WDR27: variants seen among roughly 807,000 people sequenced by gnomAD.
WDR27 encodes WD repeat-containing protein 27.
WDR27 carries 100 observed loss-of-function variants against 114.4 expected under a neutral mutation model. That is an observed-to-expected ratio of 0.87 (90% CI 0.74 to 1.03). The LOEUF (loss-of-function observed/expected upper bound fraction) is 1.03. Among genes scored for constraint, WDR27 ranks in the 50% least tolerant of loss-of-function variants. WDR27 has a pLI of 0.00. For synonymous variants in WDR27, 449 were observed against 423.1 expected (o/e 1.06, Z -0.75); for missense variants, 1,129 against 1,092.9 (o/e 1.03, Z -0.47).
At chr6:169,644,128 T>A (rs9371158) in intron 16 of WDR27, among the ~76,000 whole-genome samples, 2,185 of 31,314 alleles carry the variant, frequency 0.07, no homozygotes, top group Middle Eastern at 0.17. Flanking sequence ...GTCACACTGT[T>A]GAAAAGCCTA....
intron 25 of WDR27, among the ~76,000 whole-genome samples, chr6:169,493,671 C>T (rs1022987458): frequency 2.6e-5 from 4 of 151,992 alleles, no homozygotes; most frequent in African/African-American, 9.7e-5. Flanking sequence ...AAAGGTATTA[C>T]ATATTTGGCG....
chr6:169,692,157 C>G (rs1282255563), intron 1 of WDR27, among the ~76,000 whole-genome samples: 1 of 152,184 alleles, frequency 6.6e-6, no homozygotes, highest in Non-Finnish European at 1.5e-5. Context: ...ATTTAGGCAG[C>G]CAAGCGAAAT....
Position 169,636,399 on chromosome 6 carries a change from T to C in WDR27, c.1975A>G (p.Ile659Val). The change falls in exon 19 of 26, where the codon ATT becomes GTT. Residue 659 changes from isoleucine (I) to valine (V), a missense_variant. By Grantham distance (29) the Ile-to-Val change is conservative. Transcript: ENST00000448612. ...TTAATCTCATCTTTGCAAGTGTCAA[T>C]GTGATACCTCAGTAGCTGAAATTCA... is the stretch of plus-strand genomic sequence containing the variant. The part of the protein sequence containing the change: ...GPEFQLLRYH[I>V]DTCKDEIKRY... The C allele has an allele frequency of 1.2e-6, 2 of 1,613,918 alleles. No homozygotes were observed. Among genetic ancestry groups the C allele is most frequent in the Non-Finnish European group, 1.7e-6 (2 of 1,179,870 alleles).
chr6:169,665,926 G>A (rs1041058139), intron 6 of WDR27, among the ~76,000 whole-genome samples: 4 of 152,300 alleles, frequency 2.6e-5, no homozygotes, highest in Middle Eastern at 3.4e-3. Context: ...CCGTTTAATC[G>A]ACGTTGCACT....
rs1423565553 is a variant in WDR27 at position 169,457,793 on chromosome 6, A to T, written c.2646-159T>A. Among the ~76,000 whole-genome samples, 4 of 152,138 alleles carry T rather than the reference A, an allele frequency of 2.6e-5. No individual in the cohort carries two copies. In the East Asian group the frequency reaches 7.7e-4, roughly 29 times the overall value. ...ATAGTAGAATCTATATATACAACAG[A>T]TATTATGCTGATGATTAATTAATTC... is the stretch of plus-strand genomic sequence containing the variant. On this transcript the variant is annotated intron_variant, in intron 25 of 25. Coordinates refer to ENST00000448612, the MANE Select transcript of WDR27 (RefSeq NM_182552.5).
At chr6:169,663,024 C>A (rs956295256) in intron 8 of WDR27, among the ~76,000 whole-genome samples, 1 of 151,220 alleles carries the variant, frequency 6.6e-6, no homozygotes. Context: ...TCGAGGAAAG[C>A]ACAAAGGTAA....
At chr6:169,473,922 T>C (rs1460531755) in intron 25 of WDR27, among the ~76,000 whole-genome samples, 1 of 152,268 alleles carries the variant, frequency 6.6e-6, no homozygotes, top group Non-Finnish European at 1.5e-5. Context: ...TCTGCTTCTC[T>C]GTTTCAGTTT....
chr6:169,480,123 C>T (rs906080798), intron 25 of WDR27, among the ~76,000 whole-genome samples: 9 of 152,220 alleles, frequency 5.9e-5, no homozygotes, highest in African/African-American at 2.2e-4. Flanking sequence ...GCGGGTCCCA[C>T]ACTTGGAGCA....
chr6:169,457,665 C>A, intron 25 of WDR27, 31 bp from the exon 26 acceptor site: 1 of 1,522,152 alleles, frequency 6.6e-7, no homozygotes, highest in South Asian at 1.2e-5. Context: ...CCATGTAATT[C>A]CAATCGCCTT....
chr6:169,594,652 A>G lies in WDR27; in HGVS notation c.2424+7567T>C, dbSNP rs78813614. Among the ~76,000 whole-genome samples the G allele has an allele frequency of 3.4e-3, 519 of 152,344 alleles. 6 individuals carry two copies. The highest frequency in any genetic ancestry group is 0.033 in the East Asian group (172 of 5,186). ...ATTGTGAATTTTAGTCTTTGGCATTATAAGTATCTTTGCCTCATAATTTTT... is the reference window on the plus strand; with the variant it reads ...ATTGTGAATTTTAGTCTTTGGCATTGTAAGTATCTTTGCCTCATAATTTTT... On this transcript the variant is annotated intron_variant, in intron 23 of 25. Coordinates refer to ENST00000448612, the MANE Select transcript of WDR27 (RefSeq NM_182552.5).
chr6:169,605,574 T>C (rs2128175111), intron 22 of WDR27, among the ~76,000 whole-genome samples: 1 of 138,554 alleles, frequency 7.2e-6, no homozygotes, highest in Admixed American at 7.8e-5. Context: ...CCTTTCAAAA[T>C]ACCAATGTCA....
At chr6:169,619,460 CTCAGGAGGTCCTCAGA>C (rs1812626572) in intron 21 of WDR27, among the ~76,000 whole-genome samples, 1 of 152,162 alleles carries the variant, frequency 6.6e-6, no homozygotes, top group African/African-American at 2.4e-5. Context: ...TGACACAGCC[CTCAGGAGGTCCTCAGA>C]ACATGTGCCC....
intron 13 of WDR27, among the ~76,000 whole-genome samples, chr6:169,652,406 G>A (rs1390882281): frequency 1.1e-4 from 17 of 152,154 alleles, no homozygotes; most frequent in Admixed American, 9.8e-4. Flanking sequence ...ACGCCACCAC[G>A]CCTGGCTAAT....
rs1819718607 is a variant in WDR27 at position 169,643,553 on chromosome 6, T to C, written c.1747+144A>G. 2.1e-5 allele frequency: 13 copies of C among 616,108 alleles called. 1 individual carries two copies. The South Asian group carries it at 2.8e-4, about 13-fold the overall frequency. The allele number at this position is 616,108 out of a possible 1,614,324, so 38.2% of individuals were successfully genotyped here. ...CTGTTTGGTTGAAGATCTCAGTAAA[T>C]CTAGTTTAGACTCCAATTCAAGCCA... On this transcript the variant is annotated intron_variant, in intron 17 of 25. Transcript: ENST00000448612.
intron 23 of WDR27, among the ~76,000 whole-genome samples, chr6:169,596,941 T>C (rs1806910736): frequency 6.6e-6 from 1 of 152,204 alleles, no homozygotes; most frequent in Non-Finnish European, 1.5e-5. Flanking sequence ...CTTAGAGTTA[T>C]ATCATTTTTG....
At chr6:169,638,501 G>T in intron 18 of WDR27, 38 bp downstream of exon 18, 1 of 1,605,038 alleles carries the variant, frequency 6.2e-7, no homozygotes, top group South Asian at 1.1e-5. Flanking sequence ...CAGCTCCTTT[G>T]GAAATGACTG....
downstream of WDR27, among the ~76,000 whole-genome samples, chr6:169,454,123 T>C (rs1784258219): frequency 3.3e-5 from 5 of 152,332 alleles, no homozygotes; most frequent in South Asian, 8.3e-4. Context: ...ACTAAATAAA[T>C]TTTTGTCAGA....
intron 1 of WDR27, among the ~76,000 whole-genome samples, chr6:169,693,162 G>A (rs1784937563): frequency 2.6e-5 from 4 of 152,156 alleles, no homozygotes; most frequent in Non-Finnish European, 5.9e-5. Flanking sequence ...AAATTTACAA[G>A]CCAGTAGGGA....
At chr6:169,658,736 T>C (rs947527080) in intron 12 of WDR27, among the ~76,000 whole-genome samples, 50 of 151,628 alleles carry the variant, frequency 3.3e-4, no homozygotes, top group African/African-American at 1.1e-3. Flanking sequence ...CAGGCTGCAG[T>C]GCAGTGGCGC....
Sources: gnomAD v4.1 joint callset for allele counts (sites outside exome capture counted in the v4.1 genomes callset) on GRCh38, gnomAD v4.1.1 for gene constraint, MANE v1.5 for transcripts, NCBI Gene and HGNC (gene_info 2026-07-23, HGNC 2026-07-21) for gene names.